Variants in RUBCN observed in about 807,000 individuals in gnomAD.
RUBCN encodes rubicon autophagy regulator.
In RUBCN, 74 loss-of-function variants were observed where a neutral mutation model predicts 113.2. That is an observed-to-expected ratio of 0.65 (90% CI 0.54 to 0.79). The LOEUF is 0.79. Ranked by LOEUF, RUBCN falls within the 30% of genes least tolerant of loss-of-function variation. The pLI is 0.00. For missense variants in RUBCN, 1,109 were observed against 1,251.7 expected (o/e 0.89, Z 1.72); for synonymous variants, 480 against 490.0 (o/e 0.98, Z 0.27).
Position 197,673,912 on chromosome 3 carries a change from C to T in RUBCN, c.*1106G>A, listed in dbSNP as rs1275839399. The T allele has an allele frequency of 3.3e-5, 5 of 152,296 alleles. No individual in the cohort carries two copies. Among genetic ancestry groups the T allele is most frequent in the African/African-American group, 1.2e-4 (5 of 41,452 alleles). The allele number at this position is 152,296 out of a possible 1,614,324, so 9.4% of individuals were successfully genotyped here. A position where few individuals can be genotyped will look rare whatever the true frequency, so the allele number is the denominator to read the frequency against. On this transcript the variant is annotated 3_prime_UTR_variant, in exon 20 of 20. Transcript: ENST00000296343. ...CTGTAACAGCACTAATAGCAGGAAG[C>T]TTTTCTCCAACTTTGACCAAAGAAG... is the stretch of plus-strand genomic sequence containing the variant.
chr3:197,716,442 A>G (rs1414868649), intron 2 of RUBCN, among the ~76,000 whole-genome samples: 1 of 152,184 alleles, frequency 6.6e-6, no homozygotes, highest in Non-Finnish European at 1.5e-5. Context: ...CATTCTGTAG[A>G]AACATTTCAT....
chr3:197,722,066 C>G (rs1726230760), intron 1 of RUBCN, among the ~76,000 whole-genome samples: 1 of 151,766 alleles, frequency 6.6e-6, no homozygotes, highest in Admixed American at 6.6e-5. Flanking sequence ...TGGCGAAACC[C>G]CATCTCTACT....
intron 1 of RUBCN, among the ~76,000 whole-genome samples, chr3:197,722,237 CAA>C (rs879845830): frequency 7.5e-6 from 1 of 133,048 alleles, no homozygotes; most frequent in African/African-American, 2.8e-5. Flanking sequence ...GACCCCATTT[CAA>C]AAAAAAAAAG....
At chr3:197,749,645 T>C in exon 1 of RUBCN, 1 of 891,848 alleles carries the variant, frequency 1.1e-6, no homozygotes, top group Non-Finnish European at 1.6e-6. Flanking sequence ...GGCATAAGAT[T>C]CAGAGGTGCC....
upstream of RUBCN, chr3:197,737,240 G>A (rs1260542943): frequency 6.2e-6 from 1 of 160,314 alleles, no homozygotes; most frequent in Non-Finnish European, 1.4e-5. Flanking sequence ...CCGAGATGTA[G>A]ACTAGGCAAT....
chr3:197,730,568 A>T (rs924790909), intron 1 of RUBCN, among the ~76,000 whole-genome samples: 6 of 138,620 alleles, frequency 4.3e-5, no homozygotes, highest in African/African-American at 1.3e-4. Context: ...TACACCCTAG[A>T]TTTTTTTTTT....
chr3:197,689,437 GA>G (rs1428269023), intron 11 of RUBCN, among the ~76,000 whole-genome samples: 1 of 152,190 alleles, frequency 6.6e-6, no homozygotes, highest in East Asian at 1.9e-4. Context: ...AAGCATGCTA[GA>G]AAGACCAAAT....
chr3:197,727,349 G>A (rs1191358144), intron 1 of RUBCN, among the ~76,000 whole-genome samples: 1 of 152,244 alleles, frequency 6.6e-6, no homozygotes, highest in Middle Eastern at 3.4e-3. Context: ...GACAATCTAG[G>A]GGAAGCATTA....
chr3:197,713,241 A>G (rs1560450806), intron 2 of RUBCN, among the ~76,000 whole-genome samples: 1 of 152,238 alleles, frequency 6.6e-6, no homozygotes, highest in Non-Finnish European at 1.5e-5. Context: ...TGAGATTCTC[A>G]TTGATTTGAC....
chr3:197,701,866 T>TA lies in RUBCN; in HGVS notation c.571-3dup. On this transcript the variant is annotated splice_region_variant and splice_polypyrimidine_tract_variant and intron_variant, in intron 5 of 19. Coordinates refer to ENST00000296343, the MANE Select transcript of RUBCN (RefSeq NM_014687.4). ...CGGGCTCTCGTGCTTTCTGGCAAAC[T>TA]AAAAAGCAAAACAAAACCAAAAAAT... The TA allele has an allele frequency of 1.9e-6, 3 of 1,613,900 alleles. No individual in the cohort carries two copies. The South Asian group carries it at 3.3e-5, about 18-fold the overall frequency.
chr3:197,707,088 A>T (rs1367093578), intron 2 of RUBCN, among the ~76,000 whole-genome samples: 1 of 144,364 alleles, frequency 6.9e-6, no homozygotes, highest in African/African-American at 2.9e-5. Context: ...TCACGCCTGT[A>T]ATCCCAGCAC....
chr3:197,737,143 C>T (rs557928552), upstream of RUBCN: 242 of 221,040 alleles, frequency 1.1e-3, no homozygotes, highest in African/African-American at 4.0e-3. Flanking sequence ...GGCTTGCAAG[C>T]GGCGGGGGAC....
intron 6 of RUBCN, 38 bp from the exon 7 acceptor site, chr3:197,701,184 G>A (rs1294711698): frequency 3.4e-6 from 5 of 1,481,724 alleles, no homozygotes; most frequent in Admixed American, 4.5e-5. Flanking sequence ...GAGCAAGGGT[G>A]AGGTGGAATC....
rs777798262 is a variant in RUBCN, at chr3:197,675,393, A to G, written c.2740+29T>C. On this transcript the variant is annotated intron_variant, in intron 19 of 19. Coordinates refer to ENST00000296343, the MANE Select transcript of RUBCN (RefSeq NM_014687.4). The surrounding 1 kb of genome is among the most constrained non-coding windows in gnomAD (Gnocchi z 4.4). Reference sequence around the variant, plus strand: ...ATCAAGGAGCCCTGTGTTCAGGCTCACTTGCCCGATGCCTGCACCTGCCCT... The same window carrying G: ...ATCAAGGAGCCCTGTGTTCAGGCTCGCTTGCCCGATGCCTGCACCTGCCCT... 6.3e-7 allele frequency: 1 copy of G among 1,587,708 alleles called. No homozygotes were observed. The highest frequency in any genetic ancestry group is 8.6e-7 in the Non-Finnish European group (1 of 1,156,828).
intron 1 of RUBCN, among the ~76,000 whole-genome samples, chr3:197,719,233 T>G (rs1032092840): frequency 1.3e-5 from 2 of 151,990 alleles, no homozygotes; most frequent in Admixed American, 1.3e-4. Context: ...TCCCAGCAAT[T>G]TGGGAGGCTG....
chr3:197,700,736 G>A lies in RUBCN; in HGVS notation c.1138C>T (p.Leu380=). The A allele has an allele frequency of 6.2e-7, 1 of 1,614,208 alleles. No individual in the cohort carries two copies. Among genetic ancestry groups the A allele is most frequent in the South Asian group, 1.1e-5 (1 of 91,078 alleles). ...CTGGACCTGCGGAGGACACTGGACAGCTGGCTCTCCCCACCTCCTTCCTGG... is the reference window on the plus strand; with the variant it reads ...CTGGACCTGCGGAGGACACTGGACAACTGGCTCTCCCCACCTCCTTCCTGG... ...GDQEGGGESQ[L]SSVLRRSSFS... is the part of the protein sequence containing the mutation. The change falls in exon 7 of 20, where the codon CTG becomes TTG. Residue 380 remains leucine (L), a synonymous_variant. Transcript: ENST00000296343.
Position 197,677,079 on chromosome 3 carries a change from G to GC in RUBCN, c.2493-42dup, listed in dbSNP as rs368176849. On this transcript the variant is annotated intron_variant, in intron 17 of 19. Coordinates refer to ENST00000296343, the MANE Select transcript of RUBCN (RefSeq NM_014687.4). Reference sequence around the variant, plus strand: ...GGAGGCAGGTGAGGGAATGAACAGTGCATGTGCCACATCGTAGTAGAAGGA... The same window carrying GC: ...GGAGGCAGGTGAGGGAATGAACAGTGCCATGTGCCACATCGTAGTAGAAGGA... 76 of 1,581,200 alleles carry GC rather than the reference G, an allele frequency of 4.8e-5. No homozygotes were observed. In the African/African-American group the frequency reaches 7.7e-4, roughly 16 times the overall value.
intron 7 of RUBCN, 114 bp downstream of exon 7, chr3:197,700,499 T>A: frequency 1.0e-6 from 1 of 958,978 alleles, no homozygotes. Flanking sequence ...TAAGATGTTG[T>A]ATCACCAGAA....
chr3:197,705,540 A>G (rs74786892), intron 2 of RUBCN, among the ~76,000 whole-genome samples: 16,273 of 147,854 alleles, frequency 0.11, 1,127 homozygotes, highest in African/African-American at 0.18. Context: ...ACTCCTGCCC[A>G]GGCAACAGAG....
Sources: gnomAD v4.1 joint callset for allele counts (sites outside exome capture counted in the v4.1 genomes callset) on GRCh38, gnomAD v4.1.1 for gene constraint, Gnocchi (gnomAD v3.1) non-coding constraint, MANE v1.5 for transcripts, NCBI Gene and HGNC (gene_info 2026-07-23, HGNC 2026-07-21) for gene names.